Variants in CRIPT observed in about 807,000 individuals in gnomAD.
The protein encoded by CRIPT is cysteine-rich PDZ-binding protein.
Under a neutral mutation model 16.6 loss-of-function variants are expected in CRIPT, and 20 were observed. The ratio of observed to expected loss-of-function variants is 1.20; its 90% CI spans 0.85 to 1.75. The LOEUF is 1.75. Ranked by LOEUF, CRIPT falls within the 40% of genes most tolerant of loss-of-function variation. The pLI is 0.00. For synonymous variants in CRIPT, 42 were observed against 37.0 expected, an observed-to-expected ratio of 1.14 and a Z score of -0.49; for missense variants, 133 against 115.3, an observed-to-expected ratio of 1.15 and a Z score of -0.70.
At chr2:46,622,873 G>A (rs1670845714) in intron 3 of CRIPT, among the ~76,000 whole-genome samples, 2 of 151,444 alleles carry the variant, frequency 1.3e-5, no homozygotes, top group Admixed American at 6.6e-5. Flanking sequence ...ATGGGCTGTT[G>A]TACTATACCC....
At chr2:46,619,103 T>C (rs1670742433) in intron 2 of CRIPT, among the ~76,000 whole-genome samples, 2 of 152,178 alleles carry the variant, frequency 1.3e-5, no homozygotes, top group South Asian at 4.1e-4. Flanking sequence ...ATCAGAGTAT[T>C]TGATTTGATT....
intron 3 of CRIPT, among the ~76,000 whole-genome samples, chr2:46,621,925 T>C (rs1433954941): frequency 6.6e-6 from 1 of 152,222 alleles, no homozygotes; most frequent in East Asian, 1.9e-4. Flanking sequence ...CTTTATGCTC[T>C]CAAACTTACT....
intron 1 of CRIPT, among the ~76,000 whole-genome samples, chr2:46,617,655 T>G (rs1030203111): frequency 6.6e-6 from 1 of 152,182 alleles, no homozygotes; most frequent in Non-Finnish European, 1.5e-5. Context: ...GAAGTATTGT[T>G]CTCCTGCCAA....
In CRIPT at chr2:46,626,794, A is replaced by AT. The variant is rs1311385069; in HGVS notation, c.*2574dup. Among the ~76,000 whole-genome samples, 1 of 150,794 alleles carries AT rather than the reference A, an allele frequency of 6.6e-6. No homozygotes were observed. Among genetic ancestry groups the AT allele is most frequent in the Admixed American group, 6.6e-5 (1 of 15,154 alleles). On this transcript the variant is annotated 3_prime_UTR_variant, in exon 5 of 5. Coordinates refer to ENST00000238892, the MANE Select transcript of CRIPT (RefSeq NM_014171.6). The stretch of plus-strand genomic sequence containing the variant: ...GAAGTGTCTGTTCAAGTCTTTTGGC[A>AT]TTTTTTTAATGGGTTTTTGTTTGTG...
In CRIPT at chr2:46,626,335, A is replaced by T. The variant is rs543859653; in HGVS notation, c.*2108A>T. ...ACCAATTTTCTTTATCCAGTCCACT[A>T]TTAATGAGCATCTAGGTTGATTCTG... On this transcript the variant is annotated 3_prime_UTR_variant, in exon 5 of 5. Coordinates refer to ENST00000238892, the MANE Select transcript of CRIPT (RefSeq NM_014171.6). Among the ~76,000 whole-genome samples, 23 of 152,342 alleles carry T rather than the reference A, an allele frequency of 1.5e-4. No homozygotes were observed. Among genetic ancestry groups the T allele is most frequent in the Non-Finnish European group, 2.9e-4 (20 of 68,034 alleles).
At chr2:46,622,769 C>T (rs181880916) in intron 3 of CRIPT, among the ~76,000 whole-genome samples, 9 of 151,770 alleles carry the variant, frequency 5.9e-5, no homozygotes, top group Middle Eastern at 3.4e-3. Context: ...GCCAAGATTG[C>T]GCCATTGCAC....
At chr2:46,621,014 G>A (rs1670791169) in intron 3 of CRIPT, among the ~76,000 whole-genome samples, 1 of 151,970 alleles carries the variant, frequency 6.6e-6, no homozygotes, top group Non-Finnish European at 1.5e-5. Flanking sequence ...GAAACCACCT[G>A]CTTCTGTACA....
rs568717189 is a variant in CRIPT at position 46,628,390 on chromosome 2, G to A, written c.*4163G>A. ...CTCCCAAAGTGCTGGGATTACAGGC[G>A]TGAGCCACTGGACCCGGCAGGATTT... On this transcript the variant is annotated 3_prime_UTR_variant, in exon 5 of 5. Transcript: ENST00000238892. Among the ~76,000 whole-genome samples the A allele has an allele frequency of 5.9e-5, 9 of 152,286 alleles. No individual in the cohort carries two copies. The highest frequency in any genetic ancestry group is 1.9e-4 in the African/African-American group (8 of 41,550).
In CRIPT at chr2:46,626,819, G is replaced by A. The variant is rs148205973; in HGVS notation, c.*2592G>A. On this transcript the variant is annotated 3_prime_UTR_variant, in exon 5 of 5. Coordinates refer to ENST00000238892, the MANE Select transcript of CRIPT (RefSeq NM_014171.6). ...ATTTTTTTAATGGGTTTTTGTTTGT[G>A]TGTGTGTATTTTTGTTTTTGTTTTT... is the stretch of plus-strand genomic sequence containing the variant. 4.6e-5 allele frequency among the ~76,000 whole-genome samples: 7 copies of A among 151,804 alleles called. No homozygotes were observed. The highest frequency in any genetic ancestry group is 1.3e-4 in the Admixed American group (2 of 15,220).
intron 3 of CRIPT, among the ~76,000 whole-genome samples, chr2:46,619,922 A>C (rs1408761277): frequency 6.6e-6 from 1 of 152,182 alleles, no homozygotes; most frequent in Non-Finnish European, 1.5e-5. Context: ...CATGACTTTT[A>C]TTTTATCTCC....
Position 46,624,239 on chromosome 2 carries a change from G to C in CRIPT, c.*12G>C. ...AAACATCTGTCTAGATGTATTGATG[G>C]AATTTCTGGCTTTCTAAATGATTTT... On this transcript the variant is annotated 3_prime_UTR_variant, in exon 5 of 5. Coordinates refer to ENST00000238892, the MANE Select transcript of CRIPT (RefSeq NM_014171.6). 1 of 1,530,772 alleles carries C rather than the reference G, an allele frequency of 6.5e-7. No homozygotes were observed. Among genetic ancestry groups the C allele is most frequent in the Non-Finnish European group, 8.8e-7 (1 of 1,130,314 alleles). 94.8% of individuals were successfully genotyped at this position (1,530,772 alleles called of 1,614,324 possible).
In CRIPT at chr2:46,623,782, G is replaced by A. The variant is rs750649993; in HGVS notation, c.156G>A (p.Lys52=). The change falls in exon 4 of 5, where the codon AAG becomes AAA. Residue 52 remains lysine, a synonymous_variant. Coordinates refer to ENST00000238892, the MANE Select transcript of CRIPT (RefSeq NM_014171.6). ...SKKARFDPYG[K]NKFSTCRICK... is the part of the protein sequence containing the mutation. ...TTTCTAGATTTGATCCATATGGAAA[G>A]AATAAGTTCTCCACTTGTAGAATTT... The A allele has an allele frequency of 6.2e-7, 1 of 1,605,906 alleles. No individual in the cohort carries two copies. The highest frequency in any genetic ancestry group is 8.5e-7 in the Non-Finnish European group (1 of 1,174,922).
chr2:46,620,675 C>G (rs1399443728), intron 3 of CRIPT, among the ~76,000 whole-genome samples: 2 of 131,636 alleles, frequency 1.5e-5, no homozygotes, highest in African/African-American at 6.0e-5. Context: ...GCTTTAAATT[C>G]AAGCTATATG....
At position 46,624,323 on chromosome 2, in the gene CRIPT, G is replaced by A; in HGVS notation, c.*96G>A. The A allele has an allele frequency of 1.3e-6, 1 of 752,506 alleles. No homozygotes were observed. The allele number at this position is 752,506 out of a possible 1,614,324, so 46.6% of individuals were successfully genotyped here. A position where few individuals can be genotyped will look rare whatever the true frequency, so the allele number is the denominator to read the frequency against. Reference sequence around the variant, plus strand: ...CAACTTACAGAATAACATGTTTTAAGATAATTAAGTTTAAACCAGAGAATT... The same window carrying A: ...CAACTTACAGAATAACATGTTTTAAAATAATTAAGTTTAAACCAGAGAATT... On this transcript the variant is annotated 3_prime_UTR_variant, in exon 5 of 5. Transcript: ENST00000238892.
rs756443318 is a variant in CRIPT, at chr2:46,623,794, C to T, written c.168C>T (p.Ser56=). The change falls in exon 4 of 5, where the codon TCC becomes TCT. Residue 56 remains serine, a synonymous_variant. Coordinates refer to ENST00000238892, the MANE Select transcript of CRIPT (RefSeq NM_014171.6). ...RFDPYGKNKF[S]TCRICKSSVH... is the part of the protein sequence containing the mutation. The stretch of plus-strand genomic sequence containing the variant: ...ATCCATATGGAAAGAATAAGTTCTC[C>T]ACTTGTAGAATTTGTAAAAGTTCTG... 6.8e-6 allele frequency: 11 copies of T among 1,607,930 alleles called. No homozygotes were observed. In the African/African-American group the frequency reaches 1.3e-4, roughly 20 times the overall value.
rs1027114364 is a variant in CRIPT at position 46,619,509 on chromosome 2, G to A, written c.83-118G>A. The A allele has an allele frequency of 5.1e-6, 3 of 593,190 alleles. No homozygotes were observed. In the African/African-American group the frequency reaches 5.8e-5, roughly 11 times the overall value. The allele number at this position is 593,190 out of a possible 1,614,324, so 36.7% of individuals were successfully genotyped here. A position where few individuals can be genotyped will look rare whatever the true frequency, so the allele number is the denominator to read the frequency against. Reference sequence around the variant, plus strand: ...AGTATCTTAATAACCTATTAAATGAGGATTTAAAAATTAGATATAGACTAC... The same window carrying A: ...AGTATCTTAATAACCTATTAAATGAAGATTTAAAAATTAGATATAGACTAC... On this transcript the variant is annotated intron_variant, in intron 2 of 4. Transcript: ENST00000238892.
At chr2:46,618,419 T>C (rs1260560203) in intron 1 of CRIPT, among the ~76,000 whole-genome samples, 1 of 152,234 alleles carries the variant, frequency 6.6e-6, no homozygotes, top group African/African-American at 2.4e-5. Flanking sequence ...GTAATCCCTT[T>C]AAAATTGTGT....
intron 1 of CRIPT, among the ~76,000 whole-genome samples, chr2:46,617,838 G>A (rs1180043368): frequency 2.0e-5 from 3 of 151,954 alleles, no homozygotes; most frequent in African/African-American, 7.3e-5. Context: ...AGTGTGCAGA[G>A]AATAATTTGG....
intron 3 of CRIPT, among the ~76,000 whole-genome samples, 189 bp from the exon 4 acceptor site, chr2:46,623,575 G>A (rs968316623): frequency 6.6e-6 from 1 of 152,032 alleles, no homozygotes; most frequent in Non-Finnish European, 1.5e-5. Flanking sequence ...TATCTCACAT[G>A]GATGGAGCAG....
Sources: gnomAD v4.1 joint callset for allele counts (sites outside exome capture counted in the v4.1 genomes callset) on GRCh38, gnomAD v4.1.1 for gene constraint, MANE v1.5 for transcripts, NCBI Gene and HGNC (gene_info 2026-07-23, HGNC 2026-07-21) for gene names.